CNTN4: variants seen among roughly 807,000 people sequenced by gnomAD.
CNTN4 encodes the protein contactin-4.
A neutral mutation model predicts 122.5 loss-of-function variants in CNTN4; 77 were observed. The ratio of observed to expected loss-of-function variants is 0.63; its 90% CI spans 0.52 to 0.76. The LOEUF (loss-of-function observed/expected upper bound fraction) is 0.76, where lower values mean the gene tolerates loss of function less well. Among genes scored for constraint, CNTN4 ranks in the 30% least tolerant of loss-of-function variants. The probability of loss-of-function intolerance (pLI) is 0.00; values close to 1 mark genes in which losing one functional copy is unlikely to be tolerated. For missense variants in CNTN4, 1,256 were observed against 1,259.1 expected (o/e 1.00, Z 0.04); for synonymous variants, 512 against 447.0 (o/e 1.15, Z -1.83).
chr3:2,724,756 G>A (rs1240566361), intron 4 of CNTN4, among the ~76,000 whole-genome samples: 1 of 152,104 alleles, frequency 6.6e-6, no homozygotes, highest in African/African-American at 2.4e-5. Flanking sequence ...GTGTCACTGG[G>A]GAGTTAAAAA....
chr3:2,808,011 C>T (rs569633582), intron 6 of CNTN4, among the ~76,000 whole-genome samples: 1 of 152,256 alleles, frequency 6.6e-6, no homozygotes, highest in African/African-American at 2.4e-5. Flanking sequence ...CCTGAGACAT[C>T]GTATCCACTA....
intron 15 of CNTN4, among the ~76,000 whole-genome samples, chr3:3,027,453 G>A (rs979403189): frequency 6.6e-6 from 1 of 152,076 alleles, no homozygotes; most frequent in Non-Finnish European, 1.5e-5. Flanking sequence ...TAATAACTTT[G>A]GCTAAGTGAA....
chr3:2,911,832 A>AC (rs1320640607), intron 12 of CNTN4, among the ~76,000 whole-genome samples: 1 of 152,186 alleles, frequency 6.6e-6, no homozygotes, highest in African/African-American at 2.4e-5. Context: ...AACAGGCTTG[A>AC]CCAGACAGAA....
chr3:2,842,924 G>T (rs760186801), intron 7 of CNTN4, among the ~76,000 whole-genome samples: 1 of 151,690 alleles, frequency 6.6e-6, no homozygotes, highest in South Asian at 2.1e-4. Flanking sequence ...AGTGTCCTCA[G>T]GCTCAAGACC....
intron 2 of CNTN4, among the ~76,000 whole-genome samples, chr3:2,281,067 G>T (rs1387001496): frequency 6.6e-6 from 1 of 152,152 alleles, no homozygotes; most frequent in Non-Finnish European, 1.5e-5. Context: ...AGTTGGCTGT[G>T]ACCTAACAAG....
chr3:2,554,592 T>C (rs2078645155), intron 3 of CNTN4, among the ~76,000 whole-genome samples: 1 of 152,052 alleles, frequency 6.6e-6, no homozygotes, highest in Non-Finnish European at 1.5e-5. Context: ...TGTAAGTGGG[T>C]AGGTAGTAAA....
chr3:2,915,459 C>G (rs796294989), intron 12 of CNTN4, among the ~76,000 whole-genome samples: 52 of 152,330 alleles, frequency 3.4e-4, no homozygotes, highest in African/African-American at 1.2e-3. Flanking sequence ...AATTTTACTT[C>G]TTTCCTTTCC....
Position 2,424,999 on chromosome 3 carries a change from A to C in CNTN4, c.-89+85766A>C, listed in dbSNP as rs146449458. Among the ~76,000 whole-genome samples, 1,289 of 151,916 alleles carry C rather than the reference A, an allele frequency of 8.5e-3. 19 individuals are homozygous for C. Among genetic ancestry groups the C allele is most frequent in the African/African-American group, 0.03 (1,230 of 41,402 alleles). On this transcript the variant is annotated intron_variant, in intron 3 of 24. Coordinates refer to ENST00000418658, the MANE Select transcript of CNTN4 (RefSeq NM_175607.3). ...TTTGTCAGATGGGTAGATTGCAAAA[A>C]TTTTCTCCCATTCTGTAGGTTGCCT...
chr3:2,508,863 AT>A (rs1454824847), intron 3 of CNTN4, among the ~76,000 whole-genome samples: 4 of 152,192 alleles, frequency 2.6e-5, no homozygotes, highest in African/African-American at 9.7e-5. Context: ...ATGAAAAAAA[AT>A]CAGGCATTTC....
intron 2 of CNTN4, among the ~76,000 whole-genome samples, chr3:2,133,300 C>G (rs1384933957): frequency 6.6e-6 from 1 of 152,162 alleles, no homozygotes; most frequent in Non-Finnish European, 1.5e-5. Context: ...CTTAAAGTCT[C>G]TTTTCCCAAG....
chr3:2,463,770 A>G (rs1324499149), intron 3 of CNTN4, among the ~76,000 whole-genome samples: 1 of 152,214 alleles, frequency 6.6e-6, no homozygotes, highest in Non-Finnish European at 1.5e-5. Context: ...AAAAAAATAA[A>G]TAAAATAAAA....
chr3:2,900,072 C>A (rs930210431), intron 10 of CNTN4, among the ~76,000 whole-genome samples: 1 of 152,172 alleles, frequency 6.6e-6, no homozygotes, highest in Non-Finnish European at 1.5e-5. Context: ...TTGCTCCACA[C>A]AGTCATTCAT....
intron 2 of CNTN4, among the ~76,000 whole-genome samples, chr3:2,210,770 CT>C (rs1412466581): frequency 1.3e-5 from 2 of 152,064 alleles, no homozygotes; most frequent in African/African-American, 4.8e-5. Flanking sequence ...CATCTTTTGT[CT>C]TTTTGAATCT....
intron 2 of CNTN4, among the ~76,000 whole-genome samples, chr3:2,125,162 G>A (rs568095360): frequency 3.2e-4 from 48 of 152,058 alleles, no homozygotes; most frequent in African/African-American, 1.2e-3. Context: ...TCTACTCTTT[G>A]TTTCTATGAG....
chr3:2,728,224 T>C (rs1015255995), intron 4 of CNTN4, among the ~76,000 whole-genome samples: 1 of 152,226 alleles, frequency 6.6e-6, no homozygotes. Context: ...CATTTGTTTG[T>C]GAATTTCCTT....
chr3:2,219,770 T>C (rs905217336), intron 2 of CNTN4, among the ~76,000 whole-genome samples: 1 of 152,088 alleles, frequency 6.6e-6, no homozygotes, highest in Non-Finnish European at 1.5e-5. Context: ...TTATTTTTTA[T>C]GGTTGTTTTG....
At chr3:2,538,529 G>A (rs986781096) in intron 3 of CNTN4, among the ~76,000 whole-genome samples, 11 of 151,856 alleles carry the variant, frequency 7.2e-5, no homozygotes, top group Admixed American at 5.9e-4. Flanking sequence ...AAGTTAATCC[G>A]TTCACTTTGA....
At chr3:2,737,562 T>C (rs1193440874) in intron 5 of CNTN4, among the ~76,000 whole-genome samples, 1 of 152,256 alleles carries the variant, frequency 6.6e-6, no homozygotes, top group Non-Finnish European at 1.5e-5. Context: ...AATAAACATA[T>C]TTTAAACTAT....
intron 2 of CNTN4, among the ~76,000 whole-genome samples, chr3:2,143,691 A>G (rs2035113815): frequency 6.6e-6 from 1 of 152,184 alleles, no homozygotes; most frequent in Non-Finnish European, 1.5e-5. Flanking sequence ...CATATGAGTT[A>G]TTATTATCTC....
Sources: allele counts gnomAD v4.1 joint callset (sites outside exome capture counted in the v4.1 genomes callset), GRCh38; gene constraint gnomAD v4.1.1; transcripts MANE v1.5; gene names NCBI Gene and HGNC (gene_info 2026-07-23, HGNC 2026-07-21).